LVRN: variants seen among roughly 807,000 people sequenced by gnomAD.
LVRN encodes the protein aminopeptidase Q.
A neutral mutation model predicts 111.4 loss-of-function variants in LVRN; 99 were observed. That is an observed-to-expected ratio of 0.89 (90% CI 0.76 to 1.05). LVRN has a LOEUF of 1.05. Ranked by LOEUF, LVRN falls within the 50% of genes least tolerant of loss-of-function variation. The pLI, the probability that LVRN is intolerant of heterozygous loss-of-function variation, is 0.00. For missense variants in LVRN, 1,414 were observed against 1,206.8 expected (o/e 1.17, Z -2.54); for synonymous variants, 488 against 449.5 (o/e 1.09, Z -1.08).
intron 13 of LVRN, among the ~76,000 whole-genome samples, chr5:116,009,786 T>C (rs1748448428): frequency 6.6e-6 from 1 of 152,168 alleles, no homozygotes. Flanking sequence ...TTCTTATGGA[T>C]GAGCAAGGAA....
At chr5:115,963,525 G>A (rs897981339) in intron 1 of LVRN, among the ~76,000 whole-genome samples, 4 of 152,188 alleles carry the variant, frequency 2.6e-5, no homozygotes, top group Admixed American at 6.5e-5. Context: ...TGTTACATAT[G>A]TATACGTGTG....
intron 3 of LVRN, 92 bp downstream of exon 3, chr5:115,984,801 T>TC: frequency 6.7e-7 from 1 of 1,499,746 alleles, no homozygotes; most frequent in Non-Finnish European, 9.0e-7. Context: ...TGGCTGCATA[T>TC]CCCCAAATCG....
chr5:115,964,659 G>C (rs1020500945), intron 1 of LVRN, among the ~76,000 whole-genome samples: 1 of 151,428 alleles, frequency 6.6e-6, no homozygotes, highest in Non-Finnish European at 1.5e-5. Flanking sequence ...CCTCTTCCTT[G>C]GTCCTGTTTC....
chr5:115,971,271 A>C (rs1001156343), intron 1 of LVRN, among the ~76,000 whole-genome samples: 1 of 70,876 alleles, frequency 1.4e-5, no homozygotes, highest in African/African-American at 6.2e-5. Flanking sequence ...ATAATTTTTC[A>C]GTTGTGGCTT....
intron 3 of LVRN, among the ~76,000 whole-genome samples, chr5:115,985,488 G>A (rs1446128647): frequency 6.6e-6 from 1 of 152,150 alleles, no homozygotes; most frequent in Non-Finnish European, 1.5e-5. Context: ...AACAACAAGG[G>A]TGGTTTTGAA....
chr5:115,980,757 TA>T (rs1434553117), intron 1 of LVRN, among the ~76,000 whole-genome samples: 2 of 152,094 alleles, frequency 1.3e-5, no homozygotes, highest in African/African-American at 4.8e-5. Context: ...TGTTGGCTTT[TA>T]AAAAATACAT....
chr5:115,979,102 C>T (rs543135408), intron 1 of LVRN, among the ~76,000 whole-genome samples: 7 of 152,246 alleles, frequency 4.6e-5, no homozygotes, highest in African/African-American at 1.4e-4. Flanking sequence ...TAAATCAAGA[C>T]AGTCCCCATA....
intron 4 of LVRN, 127 bp downstream of exon 4, chr5:115,988,066 G>A (rs1747909238): frequency 6.2e-6 from 8 of 1,300,516 alleles, no homozygotes; most frequent in Non-Finnish European, 8.4e-6. Context: ...TTTGGAGTTA[G>A]CCTCCTGACC....
chr5:116,015,202 G>A, intron 16 of LVRN, 50 bp from the exon 17 acceptor site: 2 of 817,592 alleles, frequency 2.4e-6, no homozygotes, highest in Non-Finnish European at 3.4e-6. Flanking sequence ...ATGATAACCT[G>A]GGTAAACATA....
At position 115,992,069 on chromosome 5, in the gene LVRN, T is replaced by C; in HGVS notation, c.1106-54T>C. The stretch of plus-strand genomic sequence containing the variant: ...ATTTCATTTTGAGATATTTAAAAAA[T>C]CCCATTTTTTGGAAAAGATTATTTT... On this transcript the variant is annotated intron_variant, in intron 4 of 19. Transcript: ENST00000357872. The C allele has an allele frequency of 3.3e-6, 5 of 1,514,258 alleles. No individual in the cohort carries two copies. The South Asian group carries it at 6.3e-5, about 19-fold the overall frequency. The allele number at this position is 1,514,258 out of a possible 1,614,324, so 93.8% of individuals were successfully genotyped here. A position where few individuals can be genotyped will look rare whatever the true frequency, so the allele number is the denominator to read the frequency against.
Position 116,012,393 on chromosome 5 carries a change from T to G in LVRN, c.2267T>G (p.Leu756Arg). 1 of 1,513,452 alleles carries G rather than the reference T, an allele frequency of 6.6e-7. No individual in the cohort carries two copies. Among genetic ancestry groups the G allele is most frequent in the East Asian group, 2.3e-5 (1 of 43,720 alleles). 93.8% of individuals were successfully genotyped at this position (1,513,452 alleles called of 1,614,324 possible). The change falls in exon 15 of 20, where the codon CTT becomes CGT. Residue 756 changes from leucine to arginine, a missense_variant. Transcript: ENST00000357872. ...SLLKRYLLKR[L>R]NLIWNIYSTI... Reference sequence around the variant, plus strand: ...TTATAGAGGTACCTATTAAAGAGACTTAATTTAATATGGAATATTTATTCA... The same window carrying G: ...TTATAGAGGTACCTATTAAAGAGACGTAATTTAATATGGAATATTTATTCA...
At chr5:116,001,838 T>TAA (rs1748245367) in intron 10 of LVRN, among the ~76,000 whole-genome samples, 1 of 152,206 alleles carries the variant, frequency 6.6e-6, no homozygotes, top group Non-Finnish European at 1.5e-5. Flanking sequence ...GAGTTTCAGT[T>TAA]GCCTTATCTA....
At chr5:115,972,469 T>C (rs1328978512) in intron 1 of LVRN, among the ~76,000 whole-genome samples, 1 of 151,796 alleles carries the variant, frequency 6.6e-6, no homozygotes, top group African/African-American at 2.4e-5. Context: ...TCATTTAGCA[T>C]CTTTTTATTT....
rs148265367 is a variant in LVRN at position 115,993,872 on chromosome 5, G to T, written c.1374+18G>T. The T allele has an allele frequency of 1.9e-4, 269 of 1,430,570 alleles. 1 individual carries two copies. The East Asian group carries it at 6.1e-3, about 32-fold the overall frequency. 88.6% of individuals were successfully genotyped at this position (1,430,570 alleles called of 1,614,324 possible). A position where few individuals can be genotyped will look rare whatever the true frequency, so the allele number is the denominator to read the frequency against. ...TCCCAAGAGTAAGTATGTTTACTAA[G>T]TTTATTTAACATTTTTCTCCTAATT... On this transcript the variant is annotated intron_variant, in intron 6 of 19. Coordinates refer to ENST00000357872, the MANE Select transcript of LVRN (RefSeq NM_173800.5).
chr5:116,006,034 C>A (rs559969958), intron 13 of LVRN, 67 bp downstream of exon 13: 3 of 1,288,404 alleles, frequency 2.3e-6, no homozygotes, highest in African/African-American at 3.0e-5. Flanking sequence ...ATAATAGCTT[C>A]ATCACTATGA....
chr5:116,003,757 A>G (rs1276441024), intron 12 of LVRN, among the ~76,000 whole-genome samples: 1 of 151,606 alleles, frequency 6.6e-6, no homozygotes, highest in African/African-American at 2.4e-5. Context: ...AATTTTTTGT[A>G]TTTTTAGTAG....
At chr5:116,009,192 G>T (rs533523273) in intron 13 of LVRN, among the ~76,000 whole-genome samples, 1 of 152,212 alleles carries the variant, frequency 6.6e-6, no homozygotes, top group South Asian at 2.1e-4. Flanking sequence ...ACAAAGCCTG[G>T]ATGACAGCAC....
chr5:116,008,079 T>C (rs1541805), intron 13 of LVRN, among the ~76,000 whole-genome samples: 117,072 of 152,024 alleles, frequency 0.77, 45,718 homozygotes, highest in Non-Finnish European at 0.83. Context: ...TGGTGGCTCA[T>C]GCCTGTAATC....
Position 115,984,587 on chromosome 5 carries a change from G to T in LVRN, c.856G>T (p.Asp286Tyr), listed in dbSNP as rs762068329. Residue 286 changes from aspartate (D) to tyrosine (Y), a missense_variant, in exon 3 of 20, where the codon GAT (aspartate) becomes TAT (tyrosine). Asp to Tyr is a radical substitution (Grantham distance 160). Transcript: ENST00000357872. ...MPKLGQSEKE[D>Y]VNGSKWTVTT... ...TTCTCTAGGTCAGTCTGAAAAAGAAGATGTGAATGGAAGCAAATGGACTGT... is the reference window on the plus strand; with the variant it reads ...TTCTCTAGGTCAGTCTGAAAAAGAATATGTGAATGGAAGCAAATGGACTGT... 1.2e-6 allele frequency: 2 copies of T among 1,613,480 alleles called. No homozygotes were observed. Among genetic ancestry groups the T allele is most frequent in the South Asian group, 2.2e-5 (2 of 91,064 alleles).
Sources: gnomAD v4.1 joint callset for allele counts (sites outside exome capture counted in the v4.1 genomes callset) on GRCh38, gnomAD v4.1.1 for gene constraint, MANE v1.5 for transcripts, NCBI Gene and HGNC (gene_info 2026-07-23, HGNC 2026-07-21) for gene names.